CTNND2: variants seen among roughly 807,000 people sequenced by gnomAD.
CTNND2 encodes catenin delta 2, also known as catenin delta-2.
In CTNND2, 22 loss-of-function variants were observed where a neutral mutation model predicts 144.4. That is an observed-to-expected ratio of 0.15 (90% CI 0.11 to 0.22). CTNND2 has a LOEUF of 0.22. Among genes scored for constraint, CTNND2 ranks in the 10% least tolerant of loss-of-function variants. CTNND2 has a pLI of 1.00. For missense variants in CTNND2, 1,353 were observed against 1,618.8 expected (o/e 0.84, Z 2.82); for synonymous variants, 751 against 695.6 (o/e 1.08, Z -1.25).
intron 12 of CTNND2, among the ~76,000 whole-genome samples, chr5:11,131,583 C>T (rs1282584871): frequency 3.3e-5 from 5 of 152,126 alleles, no homozygotes; most frequent in Non-Finnish European, 7.4e-5. Flanking sequence ...GTCAGGAGAT[C>T]GAGACCATCC....
chr5:11,108,085 T>C (rs1752598270), intron 14 of CTNND2, among the ~76,000 whole-genome samples: 1 of 152,188 alleles, frequency 6.6e-6, no homozygotes, highest in African/African-American at 2.4e-5. Context: ...AATAAAATTA[T>C]GGAGAAGTAG....
intron 1 of CTNND2, among the ~76,000 whole-genome samples, chr5:11,806,936 G>A (rs1299345269): frequency 6.6e-6 from 1 of 152,004 alleles, no homozygotes; most frequent in Non-Finnish European, 1.5e-5. Context: ...CATTTGAGTG[G>A]ATGGATCATA....
intron 3 of CTNND2, among the ~76,000 whole-genome samples, chr5:11,518,675 T>C (rs1240529325): frequency 6.6e-6 from 1 of 152,212 alleles, no homozygotes; most frequent in Non-Finnish European, 1.5e-5. Flanking sequence ...ACTATACCTT[T>C]ACTATGTTTA....
At chr5:11,155,219 A>G (rs1332623610) in intron 12 of CTNND2, among the ~76,000 whole-genome samples, 4 of 152,204 alleles carry the variant, frequency 2.6e-5, no homozygotes, top group African/African-American at 4.8e-5. Context: ...TAGCGGCCAC[A>G]GGTTAAGAGA....
chr5:11,157,039 G>C (rs1486693490), intron 12 of CTNND2, among the ~76,000 whole-genome samples: 1 of 152,114 alleles, frequency 6.6e-6, no homozygotes, highest in Admixed American at 6.5e-5. Flanking sequence ...GATAGGGTGG[G>C]GATGGTCTGA....
Position 11,126,939 on chromosome 5 carries a change from C to T in CTNND2, c.2160-9372G>A, listed in dbSNP as rs79885148. 1.6e-3 allele frequency among the ~76,000 whole-genome samples: 237 copies of T among 152,290 alleles called. 1 individual carries two copies. Among genetic ancestry groups the T allele is most frequent in the Non-Finnish European group, 2.8e-3 (192 of 68,030 alleles). On this transcript the variant is annotated intron_variant, in intron 12 of 21. Transcript: ENST00000304623. ...ATGTAAATGGAAAGTATTAAAAATG[C>T]GTACTTTTAGATGCAAAGGGCAAGG...
At chr5:11,456,994 CAAT>C (rs1043263514) in intron 3 of CTNND2, among the ~76,000 whole-genome samples, 15 of 152,266 alleles carry the variant, frequency 9.9e-5, no homozygotes, top group South Asian at 4.1e-4. Flanking sequence ...AAAATAACAA[CAAT>C]AATAAAATTA....
chr5:11,164,221 C>A (rs1268927892), intron 11 of CTNND2, among the ~76,000 whole-genome samples: 1 of 152,168 alleles, frequency 6.6e-6, no homozygotes, highest in African/African-American at 2.4e-5. Flanking sequence ...CATTTGAAGC[C>A]CTCCTACCTT....
At chr5:11,656,389 T>A (rs1398003952) in intron 2 of CTNND2, among the ~76,000 whole-genome samples, 1 of 150,316 alleles carries the variant, frequency 6.7e-6, no homozygotes, top group Admixed American at 6.8e-5. Flanking sequence ...ATACCATCCC[T>A]GCTTCTATAC....
rs112407519 is a variant in CTNND2 at position 11,716,675 on chromosome 5, G to GTTTATTTA, written c.174+15453_174+15460dup. ...TACTAGTCTTTTTATTTACTTATTT[G>GTTTATTTA]TTTATTTATTTATTTATTTATTTAT... On this transcript the variant is annotated intron_variant, in intron 2 of 21. Transcript: ENST00000304623. 8.3e-3 allele frequency among the ~76,000 whole-genome samples: 1,255 copies of GTTTATTTA among 151,222 alleles called. 12 individuals carry two copies. Among genetic ancestry groups the GTTTATTTA allele is most frequent in the Non-Finnish European group, 0.014 (954 of 67,824 alleles).
chr5:11,137,287 T>C (rs1756259060), intron 12 of CTNND2, among the ~76,000 whole-genome samples: 1 of 152,224 alleles, frequency 6.6e-6, no homozygotes, highest in South Asian at 2.1e-4. Context: ...CATGTTGATC[T>C]AAAGGCAGGA....
At chr5:11,619,686 T>C (rs562069694) in intron 2 of CTNND2, among the ~76,000 whole-genome samples, 12 of 152,294 alleles carry the variant, frequency 7.9e-5, no homozygotes, top group African/African-American at 1.2e-4. Context: ...AGAAGGCATA[T>C]GCATTTTGGC....
chr5:11,490,008 CAG>C (rs1326655406), intron 3 of CTNND2, among the ~76,000 whole-genome samples: 1 of 152,154 alleles, frequency 6.6e-6, no homozygotes, highest in African/African-American at 2.4e-5. Context: ...CCCACACTGA[CAG>C]AGGGTAAAAT....
chr5:11,782,437 T>C (rs932175602), intron 1 of CTNND2, among the ~76,000 whole-genome samples: 1 of 152,086 alleles, frequency 6.6e-6, no homozygotes, highest in Non-Finnish European at 1.5e-5. Flanking sequence ...TATCCAGATA[T>C]CTGAATGCAC....
intron 12 of CTNND2, among the ~76,000 whole-genome samples, chr5:11,157,681 C>T (rs367591408): frequency 3.3e-5 from 5 of 152,220 alleles, no homozygotes; most frequent in East Asian, 3.8e-4. Flanking sequence ...AATGTAAATA[C>T]ACTTGCATAC....
At chr5:11,353,508 T>C (rs912516490) in intron 8 of CTNND2, among the ~76,000 whole-genome samples, 11 of 152,306 alleles carry the variant, frequency 7.2e-5, no homozygotes, top group Non-Finnish European at 1.5e-4. Context: ...ATTGGCTCCA[T>C]CATAATATTC....
At chr5:11,749,144 A>G (rs1194670964) in intron 1 of CTNND2, among the ~76,000 whole-genome samples, 4 of 152,034 alleles carry the variant, frequency 2.6e-5, no homozygotes, top group Non-Finnish European at 4.4e-5. Context: ...TTCCAGTCCC[A>G]GGCCTGCTTC....
chr5:11,144,613 G>T (rs933893011), intron 12 of CTNND2, among the ~76,000 whole-genome samples: 29 of 152,178 alleles, frequency 1.9e-4, no homozygotes, highest in Non-Finnish European at 3.2e-4. Flanking sequence ...TTGGTCCACA[G>T]AAATGGAAGC....
At position 11,403,875 on chromosome 5, in the gene CTNND2, C is replaced by G. The variant is rs543804027; in HGVS notation, c.440-6672G>C. Among the ~76,000 whole-genome samples the G allele has an allele frequency of 7.8e-4, 118 of 152,164 alleles. 2 individuals carry two copies. Among genetic ancestry groups the G allele is most frequent in the Non-Finnish European group, 5.0e-4 (34 of 68,040 alleles). Reference sequence around the variant, plus strand: ...TTGTGACACATCACACATTTGCCCCCCGTTGATCTGCATGGCTTGCTGGTG... The same window carrying G: ...TTGTGACACATCACACATTTGCCCCGCGTTGATCTGCATGGCTTGCTGGTG... On this transcript the variant is annotated intron_variant, in intron 5 of 21. Transcript: ENST00000304623.
Sources: gnomAD v4.1 joint callset for allele counts (sites outside exome capture counted in the v4.1 genomes callset) on GRCh38, gnomAD v4.1.1 for gene constraint, MANE v1.5 for transcripts, NCBI Gene and HGNC (gene_info 2026-07-23, HGNC 2026-07-21) for gene names.